WIPF1: variants seen among roughly 807,000 people sequenced by gnomAD.
The protein encoded by WIPF1 is WAS/WASL interacting protein family member 1.
In WIPF1, 13 loss-of-function variants were observed where a neutral mutation model predicts 35.4. That is an observed-to-expected ratio of 0.37 (90% confidence interval 0.24 to 0.58). WIPF1 has a LOEUF of 0.58. Among genes scored for constraint, WIPF1 ranks in the 20% least tolerant of loss-of-function variants. The probability of loss-of-function intolerance (pLI) is 0.74; values close to 1 mark genes in which losing one functional copy is unlikely to be tolerated. For synonymous variants in WIPF1, 267 were observed against 266.3 expected, an observed-to-expected ratio of 1.00 and a Z score of -0.02; for missense variants, 591 against 667.0, an observed-to-expected ratio of 0.89 and a Z score of 1.25.
intron 1 of WIPF1, among the ~76,000 whole-genome samples, chr2:174,652,484 C>A (rs1236638326): frequency 3.3e-5 from 5 of 152,130 alleles, no homozygotes; most frequent in Non-Finnish European, 7.4e-5. Context: ...CAAAAGGATA[C>A]AACTGGTGGA....
At chr2:174,665,007 C>A (rs1687860026) in intron 1 of WIPF1, among the ~76,000 whole-genome samples, 1 of 152,092 alleles carries the variant, frequency 6.6e-6, no homozygotes, top group South Asian at 2.1e-4. Context: ...ATTATATTAA[C>A]AATACCACTA....
At chr2:174,657,730 TA>T (rs902727516) in intron 1 of WIPF1, among the ~76,000 whole-genome samples, 1 of 151,026 alleles carries the variant, frequency 6.6e-6, no homozygotes, top group Admixed American at 6.6e-5. Context: ...CCATCTCTAC[TA>T]AAAAAAATAA....
At chr2:174,644,138 G>C (rs562421912) in intron 1 of WIPF1, among the ~76,000 whole-genome samples, 1 of 152,018 alleles carries the variant, frequency 6.6e-6, no homozygotes, top group East Asian at 1.9e-4. Context: ...GACTGATCAT[G>C]CTCTTAATTA....
intron 1 of WIPF1, chr2:174,587,521 G>C (rs78604566): frequency 6.6e-6 from 1 of 152,164 alleles, no homozygotes; most frequent in Non-Finnish European, 1.5e-5. Flanking sequence ...TGTCACAGCC[G>C]CCGGGAAACA....
chr2:174,567,039 A>G, intron 7 of WIPF1, 31 bp downstream of exon 7: 1 of 1,605,954 alleles, frequency 6.2e-7, no homozygotes, highest in Non-Finnish European at 8.5e-7. Flanking sequence ...CTCAAGCGTG[A>G]ATCTTCAAAA....
chr2:174,678,186 T>C (rs527928838), intron 1 of WIPF1, among the ~76,000 whole-genome samples: 2 of 152,284 alleles, frequency 1.3e-5, no homozygotes, highest in South Asian at 2.1e-4. Flanking sequence ...CTTAAATTAA[T>C]GTAATTGAGA....
intron 1 of WIPF1, among the ~76,000 whole-genome samples, chr2:174,681,533 C>A (rs1288877995): frequency 6.6e-6 from 1 of 152,196 alleles, no homozygotes; most frequent in African/African-American, 2.4e-5. Flanking sequence ...ATGGAAAAAT[C>A]TACCAACGAC....
chr2:174,671,726 C>T (rs181500512), intron 1 of WIPF1, among the ~76,000 whole-genome samples: 90 of 152,194 alleles, frequency 5.9e-4, no homozygotes, highest in Non-Finnish European at 1.1e-3. Context: ...CCCGGTCTCC[C>T]GTAGCGCTCC....
intron 7 of WIPF1, among the ~76,000 whole-genome samples, chr2:174,564,452 C>G (rs1684581850): frequency 6.6e-6 from 1 of 152,054 alleles, no homozygotes; most frequent in Non-Finnish European, 1.5e-5. Context: ...TATCCTGTCT[C>G]TATAAGAAAA....
rs1258230107 is a variant in WIPF1, at chr2:174,567,053, T to C, written c.1456+17A>G. The stretch of plus-strand genomic sequence containing the variant: ...ACTCAAGCGTGAATCTTCAAAAACC[T>C]TGGCAGAAATACTCACTCCGGCTTT... On this transcript the variant is annotated intron_variant, in intron 7 of 7. Transcript: ENST00000679041. 1.9e-6 allele frequency: 3 copies of C among 1,612,490 alleles called. No homozygotes were observed. The highest frequency in any genetic ancestry group is 2.5e-6 in the Non-Finnish European group (3 of 1,178,594).
At chr2:174,639,945 C>G (rs1030879180) in intron 1 of WIPF1, among the ~76,000 whole-genome samples, 1 of 151,858 alleles carries the variant, frequency 6.6e-6, no homozygotes, top group Non-Finnish European at 1.5e-5. Context: ...AGCAATTAGG[C>G]AAGAGAAATA....
chr2:174,570,365 A>G (rs1684788485), intron 5 of WIPF1: 1 of 152,264 alleles, frequency 6.6e-6, no homozygotes, highest in Non-Finnish European at 1.5e-5. Flanking sequence ...ATTTCTGGAT[A>G]GTGGTGGTAG....
chr2:174,568,126 C>G lies in WIPF1; in HGVS notation c.1130-53G>C. ...GAACCTTACATCCACATTCCATTAC[C>G]GTGGTCACCATTGGTGTACAGCTGA... On this transcript the variant is annotated intron_variant, in intron 5 of 7. Transcript: ENST00000679041. 4 of 1,557,384 alleles carry G rather than the reference C, an allele frequency of 2.6e-6. No homozygotes were observed. In the South Asian group the frequency reaches 4.8e-5, roughly 19 times the overall value.
intron 1 of WIPF1, among the ~76,000 whole-genome samples, chr2:174,611,688 T>C (rs996359785): frequency 1.3e-5 from 2 of 152,190 alleles, no homozygotes; most frequent in Non-Finnish European, 2.9e-5. Context: ...TAAGATGATC[T>C]CATTGAGGCA....
chr2:174,659,485 C>T (rs879712007), intron 1 of WIPF1, among the ~76,000 whole-genome samples: 9 of 152,174 alleles, frequency 5.9e-5, no homozygotes, highest in Admixed American at 2.0e-4. Context: ...TAATGGTATA[C>T]GAGTGCTCAA....
intron 1 of WIPF1, among the ~76,000 whole-genome samples, chr2:174,678,386 T>A (rs1242868750): frequency 1.3e-5 from 2 of 152,240 alleles, no homozygotes; most frequent in Non-Finnish European, 2.9e-5. Flanking sequence ...GCTACATTTT[T>A]ATTTTATTGA....
chr2:174,647,049 C>T (rs184338848), intron 1 of WIPF1, among the ~76,000 whole-genome samples: 4 of 152,258 alleles, frequency 2.6e-5, no homozygotes, highest in Admixed American at 2.6e-4. Context: ...ATTAAGGGTA[C>T]TTTGAGCCTG....
At chr2:174,626,920 C>G (rs974245927) in intron 1 of WIPF1, among the ~76,000 whole-genome samples, 11 of 152,168 alleles carry the variant, frequency 7.2e-5, no homozygotes, top group Non-Finnish European at 1.3e-4. Context: ...TCAAAATCCT[C>G]CCCTCACTCC....
intron 1 of WIPF1, among the ~76,000 whole-genome samples, chr2:174,672,666 G>A (rs1023602081): frequency 2.6e-5 from 4 of 152,190 alleles, no homozygotes; most frequent in South Asian, 2.1e-4. Context: ...GCATTGTTAG[G>A]ATGGACCTTA....
Sources: gnomAD v4.1 joint callset for allele counts (sites outside exome capture counted in the v4.1 genomes callset) on GRCh38, gnomAD v4.1.1 for gene constraint, MANE v1.5 for transcripts, NCBI Gene and HGNC (gene_info 2026-07-23, HGNC 2026-07-21) for gene names.